HIC2: variants seen among roughly 807,000 people sequenced by gnomAD.
The protein encoded by HIC2 is hypermethylated in cancer 2 protein.
HIC2 carries 2 observed loss-of-function variants against 39.5 expected under a neutral mutation model. That is an observed-to-expected ratio of 0.05 (90% CI 0.02 to 0.16). The LOEUF (loss-of-function observed/expected upper bound fraction) is 0.16, where lower values mean the gene tolerates loss of function less well. HIC2 is among the 10% of genes least tolerant of loss of function. The pLI is 1.00. For missense variants in HIC2, 713 were observed against 863.5 expected (o/e 0.83, Z 2.18); for synonymous variants, 399 against 368.8 (o/e 1.08, Z -0.94).
intron 2 of HIC2, among the ~76,000 whole-genome samples, chr22:21,444,013 TG>T (rs1226154572): frequency 6.6e-6 from 1 of 152,136 alleles, no homozygotes; most frequent in African/African-American, 2.4e-5. Context: ...GGCTGCTCAG[TG>T]GGGATGGGAA....
Position 21,445,219 on chromosome 22 carries a change from C to T in HIC2, c.324C>T (p.Ser108=), listed in dbSNP as rs191884142. The part of the protein sequence containing the change: ...DFIYTGKLLP[S]DQPAEPNFST... ...TCTACACAGGCAAGCTGCTGCCCAG[C>T]GACCAGCCAGCCGAGCCCAACTTCA... Residue 108 remains serine, a synonymous_variant, in exon 3 of 3, where the codon AGC becomes AGT. Coordinates refer to ENST00000407464, the MANE Select transcript of HIC2 (RefSeq NM_015094.3). The T allele has an allele frequency of 3.1e-6, 5 of 1,613,694 alleles. No individual in the cohort carries two copies. The highest frequency in any genetic ancestry group is 2.2e-5 in the East Asian group (1 of 44,890).
Position 21,449,708 on chromosome 22 carries a change from A to C in HIC2, c.*2965A>C, listed in dbSNP as rs551714210. On this transcript the variant is annotated 3_prime_UTR_variant, in exon 3 of 3. Coordinates refer to ENST00000407464, the MANE Select transcript of HIC2 (RefSeq NM_015094.3). The stretch of plus-strand genomic sequence containing the variant: ...AGGGATTGGAAGCCTCCCTGGAGTC[A>C]CCTGAGCCCTCGTCCCCATTCCCAG... 1 of 152,844 alleles carries C rather than the reference A, an allele frequency of 6.5e-6. No homozygotes were observed. The highest frequency in any genetic ancestry group is 2.1e-4 in the South Asian group (1 of 4,832). The allele number at this position is 152,844 out of a possible 1,614,324, so 9.5% of individuals were successfully genotyped here. A position where few individuals can be genotyped will look rare whatever the true frequency, so the allele number is the denominator to read the frequency against.
rs137951777 is a variant in HIC2 at position 21,446,162 on chromosome 22, G to A, written c.1267G>A (p.Ala423Thr). 1.6e-5 allele frequency: 25 copies of A among 1,609,470 alleles called. No homozygotes were observed. The highest frequency in any genetic ancestry group is 1.1e-4 in the African/African-American group (8 of 74,926). ...GSEGGSGHAS[A>T]HYMYRQEGYE... Reference sequence around the variant, plus strand: ...CGAGGGGGGCAGCGGCCATGCCAGCGCCCACTACATGTACCGGCAGGAGGG... The same window carrying A: ...CGAGGGGGGCAGCGGCCATGCCAGCACCCACTACATGTACCGGCAGGAGGG... The change falls in exon 3 of 3, where the codon GCC (alanine) becomes ACC (threonine). Residue 423 changes from alanine (A) to threonine (T), a missense_variant. Around this residue, in one of 5 missense-constraint regions of HIC2, gnomAD observed 457 missense variants for 420.2 expected, o/e 1.09. Transcript: ENST00000407464.
At chr22:21,425,768 A>C (rs1249691019) in intron 1 of HIC2, among the ~76,000 whole-genome samples, 1 of 129,482 alleles carries the variant, frequency 7.7e-6, no homozygotes, top group South Asian at 2.5e-4. Context: ...GCTGGAGTGC[A>C]GTGGTGGGAT....
chr22:21,446,431 G>T lies in HIC2; in HGVS notation c.1536G>T (p.Lys512Asn). The T allele has an allele frequency of 6.2e-7, 1 of 1,612,044 alleles. No individual in the cohort carries two copies. ...PRPFKCSVCE[K>N]TYKDPATLRQ... ...CCTTCAAGTGTTCGGTCTGCGAGAA[G>T]ACCTACAAGGACCCAGCCACGCTGC... The change falls in exon 3 of 3, where the codon AAG becomes AAT. Residue 512 changes from lysine to asparagine, a missense_variant. Coordinates refer to ENST00000407464, the MANE Select transcript of HIC2 (RefSeq NM_015094.3).
chr22:21,446,266 C>G lies in HIC2; in HGVS notation c.1371C>G (p.Leu457=), dbSNP rs1419306740. The change falls in exon 3 of 3, where the codon CTC becomes CTG. Residue 457 remains leucine, a synonymous_variant. Transcript: ENST00000407464. ...AGGGCTTCCCCAGCTCTGAGCAGCTCAATGCGCACGTGGAGACTCACACGG... is the reference window on the plus strand; with the variant it reads ...AGGGCTTCCCCAGCTCTGAGCAGCTGAATGCGCACGTGGAGACTCACACGG... ...CAKGFPSSEQ[L]NAHVETHTEE... is the part of the protein sequence containing the mutation. 2 of 1,613,224 alleles carry G rather than the reference C, an allele frequency of 1.2e-6. No individual in the cohort carries two copies. The highest frequency in any genetic ancestry group is 2.2e-5 in the South Asian group (2 of 91,092).
chr22:21,445,165 C>T lies in HIC2; in HGVS notation c.270C>T (p.Ser90=). 1.2e-6 allele frequency: 2 copies of T among 1,614,202 alleles called. No individual in the cohort carries two copies. The highest frequency in any genetic ancestry group is 1.7e-6 in the Non-Finnish European group (2 of 1,180,044). The part of the protein sequence containing the change: ...LINLDTDMVS[S]TVFQQILDFI... ...ACCTGGACACAGACATGGTCAGCTC[C>T]ACAGTGTTCCAGCAGATCTTGGACT... The change falls in exon 3 of 3, where the codon TCC becomes TCT. Residue 90 remains serine (S), a synonymous_variant. Coordinates refer to ENST00000407464, the MANE Select transcript of HIC2 (RefSeq NM_015094.3).
intron 2 of HIC2, 48 bp from the exon 3 acceptor site, chr22:21,444,874 C>G (rs758549790): frequency 1.9e-6 from 3 of 1,567,738 alleles, no homozygotes; most frequent in Non-Finnish European, 1.7e-6. Flanking sequence ...GAGCCCTGGT[C>G]CGAGTGTGCC....
At position 21,444,954 on chromosome 22, in the gene HIC2, G is replaced by A; in HGVS notation, c.59G>A (p.Gly20Glu). The A allele has an allele frequency of 6.2e-7, 1 of 1,613,186 alleles. No individual in the cohort carries two copies. The highest frequency in any genetic ancestry group is 8.5e-7 in the Non-Finnish European group (1 of 1,179,926). Residue 20 changes from glycine to glutamate, a missense_variant, in exon 3 of 3, where the codon GGG (glycine) becomes GAG (glutamate). Physicochemically the swap from Gly to Glu is moderately conservative, Grantham distance 98 (BLOSUM62 -2). Transcript: ENST00000407464. ...GCGTGGGCAGGGCGCGGGGACATGG[G>A]GCCCGACATGGAGCTGCCCAGCCAC... Reference protein sequence around the residue: ...WCAWAGRGDMGPDMELPSHSK... With the variant: ...WCAWAGRGDMEPDMELPSHSK...
In HIC2 at chr22:21,451,118, G is replaced by C; in HGVS notation, c.*4375G>C. The C allele has an allele frequency of 6.6e-6, 1 of 152,230 alleles. No individual in the cohort carries two copies. Among genetic ancestry groups the C allele is most frequent in the Non-Finnish European group, 1.5e-5 (1 of 67,922 alleles). The allele number at this position is 152,230 out of a possible 1,614,324, so 9.4% of individuals were successfully genotyped here. A position where few individuals can be genotyped will look rare whatever the true frequency, so the allele number is the denominator to read the frequency against. On this transcript the variant is annotated 3_prime_UTR_variant, in exon 3 of 3. Coordinates refer to ENST00000407464, the MANE Select transcript of HIC2 (RefSeq NM_015094.3). Reference sequence around the variant, plus strand: ...CAGGTTGGGCACTGGCTCATTTCTCGCAAATACCTCGAAGGGGAGGGGGGA... The same window carrying C: ...CAGGTTGGGCACTGGCTCATTTCTCCCAAATACCTCGAAGGGGAGGGGGGA...
chr22:21,426,135 CCATGCCCGGCATGAG>C (rs1923238435), intron 1 of HIC2, among the ~76,000 whole-genome samples: 1 of 148,118 alleles, frequency 6.8e-6, no homozygotes, highest in African/African-American at 2.5e-5. Flanking sequence ...GTATTAGCCA[CCATGCCCGGCATGAG>C]GCTTTACAAT....
chr22:21,446,026 C>A lies in HIC2; in HGVS notation c.1131C>A (p.Ile377=). Residue 377 remains isoleucine (I), a synonymous_variant, in exon 3 of 3, where the codon ATC becomes ATA. Coordinates refer to ENST00000407464, the MANE Select transcript of HIC2 (RefSeq NM_015094.3). ...TCGGGGACAGGGTTCCCAATGGCAT[C>A]CTGGCTAGTGGGGCTGGCCCTAGCG... The part of the protein sequence containing the change: ...EGVGDRVPNG[I]LASGAGPSGP... 2 of 1,589,202 alleles carry A rather than the reference C, an allele frequency of 1.3e-6. No individual in the cohort carries two copies. The highest frequency in any genetic ancestry group is 1.1e-5 in the South Asian group (1 of 88,584).
At chr22:21,425,902 G>T (rs976627293) in intron 1 of HIC2, among the ~76,000 whole-genome samples, 2 of 150,138 alleles carry the variant, frequency 1.3e-5, no homozygotes, top group Admixed American at 6.6e-5. Flanking sequence ...AGTAGAGATG[G>T]GGTTTCACCA....
intron 2 of HIC2, among the ~76,000 whole-genome samples, chr22:21,443,161 G>T (rs1175810103): frequency 6.6e-6 from 1 of 152,182 alleles, no homozygotes; most frequent in Admixed American, 6.5e-5. Context: ...GGGTTGAGGC[G>T]GGCAGGGAGT....
rs190324746 is a variant in HIC2, at chr22:21,443,189, C to T, written c.26+332C>T. Among the ~76,000 whole-genome samples the T allele has an allele frequency of 9.7e-4, 148 of 152,262 alleles. 1 individual carries two copies. The highest frequency in any genetic ancestry group is 3.1e-3 in the African/African-American group (129 of 41,548). ...CAGGGAGTGGAGGAGGATTGGTTCA[C>T]GAAGTCTCCAGCCCATGAGCACCCT... On this transcript the variant is annotated intron_variant, in intron 2 of 2. Coordinates refer to ENST00000407464, the MANE Select transcript of HIC2 (RefSeq NM_015094.3).
At position 21,450,208 on chromosome 22, in the gene HIC2, C is replaced by T. The variant is rs900077838; in HGVS notation, c.*3465C>T. 1.4e-5 allele frequency: 2 copies of T among 144,212 alleles called. No homozygotes were observed. Among genetic ancestry groups the T allele is most frequent in the Non-Finnish European group, 3.0e-5 (2 of 66,070 alleles). 8.9% of individuals were successfully genotyped at this position (144,212 alleles called of 1,614,324 possible). On this transcript the variant is annotated 3_prime_UTR_variant, in exon 3 of 3. Coordinates refer to ENST00000407464, the MANE Select transcript of HIC2 (RefSeq NM_015094.3). ...ATGCTCCCGCCGGACCGAGCCCCAG[C>T]AAGGGCTCCTCCAGGATTGCAAAAA...
Position 21,445,935 on chromosome 22 carries a change from G to T in HIC2, c.1040G>T (p.Gly347Val). 1 of 1,584,840 alleles carries T rather than the reference G, an allele frequency of 6.3e-7. No homozygotes were observed. The highest frequency in any genetic ancestry group is 8.6e-7 in the Non-Finnish European group (1 of 1,167,502). The change falls in exon 3 of 3, where the codon GGC becomes GTC. Residue 347 changes from glycine (G) to valine (V), a missense_variant. This residue lies in a region of HIC2 where 457 missense variants were observed against 420.2 expected (regional missense o/e 1.09). Coordinates refer to ENST00000407464, the MANE Select transcript of HIC2 (RefSeq NM_015094.3). ...TGGGGCAAGAAGGAGCCTGTGGCTGGCTCCCCCTTTGAGCGGAGAGAAGCA... is the reference window on the plus strand; with the variant it reads ...TGGGGCAAGAAGGAGCCTGTGGCTGTCTCCCCCTTTGAGCGGAGAGAAGCA... ...KEWGKKEPVA[G>V]SPFERREAGP...
At chr22:21,443,129 G>T (rs1923609763) in intron 2 of HIC2, among the ~76,000 whole-genome samples, 1 of 152,184 alleles carries the variant, frequency 6.6e-6, no homozygotes, top group African/African-American at 2.4e-5. Flanking sequence ...CACACCTTGG[G>T]GGCTCTTTGT....
intron 1 of HIC2, among the ~76,000 whole-genome samples, chr22:21,421,691 T>C (rs1191181888): frequency 1.1e-5 from 1 of 94,856 alleles, no homozygotes; most frequent in Non-Finnish European, 3.0e-5. Flanking sequence ...TTTTGTGAGG[T>C]GGGCAGCGCA....
Sources: gnomAD v4.1 joint callset for allele counts (sites outside exome capture counted in the v4.1 genomes callset) on GRCh38, gnomAD v4.1.1 for gene constraint, gnomAD v4.1.1 regional missense constraint, MANE v1.5 for transcripts, NCBI Gene and HGNC (gene_info 2026-07-23, HGNC 2026-07-21) for gene names.